The following COL9A2 variants were observed in gnomAD, a reference collection of about 807,000 sequenced individuals.
COL9A2 encodes the protein collagen type IX alpha 2 chain.
Under a neutral mutation model 111.6 loss-of-function variants are expected in COL9A2, and 66 were observed. The ratio of observed to expected loss-of-function variants is 0.59; its 90% CI spans 0.48 to 0.73. The LOEUF (loss-of-function observed/expected upper bound fraction) is 0.73, where lower values mean the gene tolerates loss of function less well. Ranked by LOEUF, COL9A2 falls within the 30% of genes least tolerant of loss-of-function variation. COL9A2 has a pLI of 0.00. For synonymous variants in COL9A2, 353 were observed against 364.1 expected (o/e 0.97, Z 0.35); for missense variants, 881 against 954.1 (o/e 0.92, Z 1.01).
intron 24 of COL9A2, 100 bp from the exon 25 acceptor site, chr1:40,304,199 G>A (rs1335816514): frequency 4.0e-6 from 6 of 1,515,846 alleles, no homozygotes; most frequent in Middle Eastern, 2.2e-4. Context: ...CCGCCTCGCC[G>A]ACCAGACCAG....
Position 40,302,658 on chromosome 1 carries a change from C to T in COL9A2, c.1755G>A (p.Val585=), listed in dbSNP as rs1440318383. 1 of 1,604,348 alleles carries T rather than the reference C, an allele frequency of 6.2e-7. No individual in the cohort carries two copies. Among genetic ancestry groups the T allele is most frequent in the South Asian group, 1.1e-5 (1 of 89,404 alleles). ...HPGPRGVPGI[V]GAVGQIGNTG... is the part of the protein sequence containing the mutation. ...TGTTGCCGATCTGACCCACGGCTCC[C>T]ACGATGCCAGGAACGCCCCGAGGGC... Residue 585 remains valine (V), a synonymous_variant, in exon 30 of 32, where the codon GTG becomes GTA. Coordinates refer to ENST00000372748, the MANE Select transcript of COL9A2 (RefSeq NM_001852.4). This position sits in a 1 kb window ranked among gnomAD's most constrained non-coding sequence, Gnocchi z 4.5.
In COL9A2 at chr1:40,315,675, C is replaced by A. The variant is rs1258843995; in HGVS notation, c.76-11G>T. 2 of 1,550,294 alleles carry A rather than the reference C, an allele frequency of 1.3e-6. No homozygotes were observed. The highest frequency in any genetic ancestry group is 4.8e-5 in the East Asian group (2 of 41,546). On this transcript the variant is annotated splice_polypyrimidine_tract_variant and intron_variant, in intron 1 of 31. Coordinates refer to ENST00000372748, the MANE Select transcript of COL9A2 (RefSeq NM_001852.4). ...TCCCGGTGGACCTCTCTGAAAAACA[C>A]ACACGGGGTGGGGCAGTCCTCAGAC...
In COL9A2 at chr1:40,310,636, G is replaced by T; in HGVS notation, c.684+78C>A. 1 of 1,259,088 alleles carries T rather than the reference G, an allele frequency of 7.9e-7. No individual in the cohort carries two copies. Among genetic ancestry groups the T allele is most frequent in the Non-Finnish European group, 1.1e-6 (1 of 879,986 alleles). 78.0% of individuals were successfully genotyped at this position (1,259,088 alleles called of 1,614,324 possible). A position where few individuals can be genotyped will look rare whatever the true frequency, so the allele number is the denominator to read the frequency against. The stretch of plus-strand genomic sequence containing the variant: ...CAGGTGTCTCTTTTACAAGCTAGAG[G>T]CCTGAGCAGGGGAATGACTCCATGA... On this transcript the variant is annotated intron_variant, in intron 13 of 31. Transcript: ENST00000372748. The surrounding 1 kb of genome is among the most constrained non-coding windows in gnomAD (Gnocchi z 4.9).
chr1:40,315,915 C>T (rs989727139), intron 1 of COL9A2: 1 of 447,040 alleles, frequency 2.2e-6, no homozygotes, highest in Admixed American at 3.9e-5. Context: ...TGGCTCAGAA[C>T]GTGAAGGGTC....
rs1643907946 is a variant in COL9A2, at chr1:40,301,130, G to A, written c.*52C>T. On this transcript the variant is annotated 3_prime_UTR_variant, in exon 32 of 32. Coordinates refer to ENST00000372748, the MANE Select transcript of COL9A2 (RefSeq NM_001852.4). ...GATGGGTGCATGTCCACCCAGAGGG[G>A]ACCTGGTCCTTCCCGCCAGGATGCC... 1.9e-6 allele frequency: 3 copies of A among 1,593,798 alleles called. No individual in the cohort carries two copies. Among genetic ancestry groups the A allele is most frequent in the Non-Finnish European group, 2.6e-6 (3 of 1,164,258 alleles).
chr1:40,302,819 G>T lies in COL9A2; in HGVS notation c.1604-10C>A, dbSNP rs1443709339. ...ACCTCTGCCAGTTGCTCTGGAGGGA[G>T]GGAGGGAGGGAGGGAGAGGGAAGTC... On this transcript the variant is annotated splice_polypyrimidine_tract_variant and intron_variant, in intron 29 of 31. Coordinates refer to ENST00000372748, the MANE Select transcript of COL9A2 (RefSeq NM_001852.4). This position sits in a 1 kb window ranked among gnomAD's most constrained non-coding sequence, Gnocchi z 4.5. 3 of 1,505,918 alleles carry T rather than the reference G, an allele frequency of 2.0e-6. No homozygotes were observed. The highest frequency in any genetic ancestry group is 1.8e-6 in the Non-Finnish European group (2 of 1,132,198). 93.3% of individuals were successfully genotyped at this position (1,505,918 alleles called of 1,614,324 possible).
At position 40,311,009 on chromosome 1, in the gene COL9A2, G is replaced by T; in HGVS notation, c.630+84C>A. 1.3e-6 allele frequency: 2 copies of T among 1,561,642 alleles called. No individual in the cohort carries two copies. The highest frequency in any genetic ancestry group is 1.8e-6 in the Non-Finnish European group (2 of 1,132,610). On this transcript the variant is annotated intron_variant, in intron 12 of 31. Transcript: ENST00000372748. This position sits in a 1 kb window ranked among gnomAD's most constrained non-coding sequence, Gnocchi z 5.1. ...TCTGTCCCCAGAACCCACAGGGGAAGGGGAAGGGACGAAGAAGGGGACAGA... is the reference window on the plus strand; with the variant it reads ...TCTGTCCCCAGAACCCACAGGGGAATGGGAAGGGACGAAGAAGGGGACAGA...
chr1:40,310,661 A>G lies in COL9A2; in HGVS notation c.684+53T>C, dbSNP rs576041274. The G allele has an allele frequency of 4.0e-5, 59 of 1,473,436 alleles. 1 individual carries two copies. The South Asian group carries it at 6.5e-4, about 16-fold the overall frequency. The allele number at this position is 1,473,436 out of a possible 1,614,324, so 91.3% of individuals were successfully genotyped here. A position where few individuals can be genotyped will look rare whatever the true frequency, so the allele number is the denominator to read the frequency against. Reference sequence around the variant, plus strand: ...GCCTGAGCAGGGGAATGACTCCATGAAGGGCTCCTGGGGTGAGGGAGAAGA... The same window carrying G: ...GCCTGAGCAGGGGAATGACTCCATGGAGGGCTCCTGGGGTGAGGGAGAAGA... On this transcript the variant is annotated intron_variant, in intron 13 of 31. Coordinates refer to ENST00000372748, the MANE Select transcript of COL9A2 (RefSeq NM_001852.4). This position sits in a 1 kb window ranked among gnomAD's most constrained non-coding sequence, Gnocchi z 4.9.
At position 40,317,133 on chromosome 1, in the gene COL9A2, A is replaced by G; in HGVS notation, c.65T>C (p.Leu22Pro). The G allele has an allele frequency of 6.3e-7, 1 of 1,581,236 alleles. No homozygotes were observed. The highest frequency in any genetic ancestry group is 8.6e-7 in the Non-Finnish European group (1 of 1,164,118). ...GGCTGCGAAACTTACAATCTGCGCC[A>G]GAGCGAGCACTACCACCTGGAGGAG... ...LVLLQVVVLALAQIRGPPGER... is the reference protein window; with the variant it reads ...LVLLQVVVLAPAQIRGPPGER... The change falls in exon 1 of 32, where the codon CTG (leucine) becomes CCG (proline). Residue 22 changes from leucine (L) to proline (P), a missense_variant. Physicochemically the swap from Leu to Pro is moderately conservative, Grantham distance 98. Coordinates refer to ENST00000372748, the MANE Select transcript of COL9A2 (RefSeq NM_001852.4). The surrounding 1 kb of genome is among the most constrained non-coding windows in gnomAD (Gnocchi z 4.3).
rs948927483 is a variant in COL9A2, at chr1:40,309,924, G to T, written c.846+14C>A. On this transcript the variant is annotated intron_variant, in intron 16 of 31. Coordinates refer to ENST00000372748, the MANE Select transcript of COL9A2 (RefSeq NM_001852.4). Reference sequence around the variant, plus strand: ...CAGGGGTCCTGACTGAACAATGGGTGCCTGAGGACTCACCTCGTCACCCTT... The same window carrying T: ...CAGGGGTCCTGACTGAACAATGGGTTCCTGAGGACTCACCTCGTCACCCTT... The T allele has an allele frequency of 6.2e-7, 1 of 1,613,116 alleles. No individual in the cohort carries two copies. The highest frequency in any genetic ancestry group is 2.2e-5 in the East Asian group (1 of 44,886).
intron 19 of COL9A2, among the ~76,000 whole-genome samples, chr1:40,306,579 A>C (rs898028531): frequency 5.3e-5 from 8 of 152,140 alleles, no homozygotes; most frequent in African/African-American, 1.9e-4. Context: ...ATGGCCCTGA[A>C]CGATAAGAAG....
Position 40,310,124 on chromosome 1 carries a change from G to A in COL9A2, c.779C>T (p.Ala260Val). ...AAAGAGGCTTACCGGTGGCCCAGTG[G>A]CACCGATAGCGCCCACCATGCCTTT... Reference protein sequence around the residue: ...GYKGMVGAIGATGPPGEEGPR... With the variant: ...GYKGMVGAIGVTGPPGEEGPR... Residue 260 changes from alanine (A) to valine (V), a missense_variant, in exon 15 of 32, where the codon GCC (alanine) becomes GTC (valine). By Grantham distance (64) the Ala-to-Val change is moderately conservative. Coordinates refer to ENST00000372748, the MANE Select transcript of COL9A2 (RefSeq NM_001852.4). The surrounding 1 kb of genome is among the most constrained non-coding windows in gnomAD (Gnocchi z 4.9). 1 of 1,613,990 alleles carries A rather than the reference G, an allele frequency of 6.2e-7. No homozygotes were observed. The highest frequency in any genetic ancestry group is 8.5e-7 in the Non-Finnish European group (1 of 1,179,900).
intron 16 of COL9A2, among the ~76,000 whole-genome samples, chr1:40,309,303 A>G (rs1644078532): frequency 1.3e-5 from 2 of 152,096 alleles, no homozygotes; most frequent in Non-Finnish European, 2.9e-5. Flanking sequence ...ATAAAAGTAT[A>G]AGAATTTTTT....
At position 40,303,233 on chromosome 1, in the gene COL9A2, A is replaced by G. The variant is rs1284410346; in HGVS notation, c.1549-48T>C. 1.3e-6 allele frequency: 2 copies of G among 1,566,024 alleles called. No homozygotes were observed. The highest frequency in any genetic ancestry group is 2.7e-5 in the African/African-American group (2 of 73,938). ...AAGAAGCCCCTGGCTACAAGGGCCC[A>G]CCGCTCCTATCCCACCTGGCTGAGC... is the stretch of plus-strand genomic sequence containing the variant. On this transcript the variant is annotated intron_variant, in intron 28 of 31. Transcript: ENST00000372748. This position sits in a 1 kb window ranked among gnomAD's most constrained non-coding sequence, Gnocchi z 4.6.
Position 40,302,630 on chromosome 1 carries a change from C to G in COL9A2, c.1783G>C (p.Gly595Arg). The G allele has an allele frequency of 6.2e-7, 1 of 1,600,856 alleles. No individual in the cohort carries two copies. Among genetic ancestry groups the G allele is most frequent in the Non-Finnish European group, 8.5e-7 (1 of 1,175,592 alleles). Reference protein sequence around the residue: ...VGAVGQIGNTGPKGKRGEKGD... With the variant: ...VGAVGQIGNTRPKGKRGEKGD... ...GCAGAGGAGCACTCACCCTTGGGCCCCGTGTTGCCGATCTGACCCACGGCT... is the reference window on the plus strand; with the variant it reads ...GCAGAGGAGCACTCACCCTTGGGCCGCGTGTTGCCGATCTGACCCACGGCT... The change falls in exon 30 of 32, where the codon GGG becomes CGG. Residue 595 changes from glycine (G) to arginine (R), a missense_variant. Physicochemically the swap from Gly to Arg is moderately radical, Grantham distance 125. Coordinates refer to ENST00000372748, the MANE Select transcript of COL9A2 (RefSeq NM_001852.4). This position sits in a 1 kb window ranked among gnomAD's most constrained non-coding sequence, Gnocchi z 4.5.
At position 40,307,113 on chromosome 1, in the gene COL9A2, G is replaced by A. The variant is rs183681694; in HGVS notation, c.1008+333C>T. Reference sequence around the variant, plus strand: ...ACTCAGCTGAGCCTCCTGAAGTGCTGGGATTATAGGCATGAGCCACTGCAC... The same window carrying A: ...ACTCAGCTGAGCCTCCTGAAGTGCTAGGATTATAGGCATGAGCCACTGCAC... On this transcript the variant is annotated intron_variant, in intron 19 of 31. Transcript: ENST00000372748. The surrounding 1 kb of genome is among the most constrained non-coding windows in gnomAD (Gnocchi z 4.8). 1.3e-3 allele frequency among the ~76,000 whole-genome samples: 200 copies of A among 152,302 alleles called. 1 individual carries two copies. The South Asian group carries it at 0.014, about 11-fold the overall frequency.
At position 40,308,193 on chromosome 1, in the gene COL9A2, G is replaced by A. The variant is rs756099117; in HGVS notation, c.899C>T (p.Thr300Met). The A allele has an allele frequency of 8.1e-6, 13 of 1,614,072 alleles. 1 individual carries two copies. In the East Asian group the frequency reaches 8.9e-5, roughly 11 times the overall value. Reference sequence around the variant, plus strand: ...TGGGCCTAGGCCTCTGGCACCTACCGTTGCTCCTTTCGGGCCTGTGATCCC... The same window carrying A: ...TGGGCCTAGGCCTCTGGCACCTACCATTGCTCCTTTCGGGCCTGTGATCCC... Reference protein sequence around the residue: ...PQGITGPKGATGPPGINGKDG... With the variant: ...PQGITGPKGAMGPPGINGKDG... Residue 300 changes from threonine to methionine, a missense_variant and splice_region_variant, in exon 17 of 32, where the codon ACG (threonine) becomes ATG (methionine). By Grantham distance (81) the Thr-to-Met change is moderately conservative (BLOSUM62 -1). Transcript: ENST00000372748.
In COL9A2 at chr1:40,312,171, A is replaced by G. The variant is rs1313756966; in HGVS notation, c.364-59T>C. The G allele has an allele frequency of 3.4e-5, 50 of 1,462,566 alleles. No homozygotes were observed. Among genetic ancestry groups the G allele is most frequent in the Non-Finnish European group, 4.6e-5 (49 of 1,060,512 alleles). 90.6% of individuals were successfully genotyped at this position (1,462,566 alleles called of 1,614,324 possible). On this transcript the variant is annotated intron_variant, in intron 7 of 31. Transcript: ENST00000372748. This position sits in a 1 kb window ranked among gnomAD's most constrained non-coding sequence, Gnocchi z 6.0. ...CAGAGGGTCAGATACCCTGGGCACA[A>G]AGGTAGAGACAGGCACCCAAAGCCC... is the stretch of plus-strand genomic sequence containing the variant.
At position 40,310,973 on chromosome 1, in the gene COL9A2, C is replaced by G; in HGVS notation, c.630+120G>C. 1 of 1,378,152 alleles carries G rather than the reference C, an allele frequency of 7.3e-7. No homozygotes were observed. Among genetic ancestry groups the G allele is most frequent in the South Asian group, 1.2e-5 (1 of 84,946 alleles). The allele number at this position is 1,378,152 out of a possible 1,614,324, so 85.4% of individuals were successfully genotyped here. A position where few individuals can be genotyped will look rare whatever the true frequency, so the allele number is the denominator to read the frequency against. On this transcript the variant is annotated intron_variant, in intron 12 of 31. Coordinates refer to ENST00000372748, the MANE Select transcript of COL9A2 (RefSeq NM_001852.4). The surrounding 1 kb of genome is among the most constrained non-coding windows in gnomAD (Gnocchi z 4.9). ...ACCTGGAGCACAGGCCTCCAGCCCC[C>G]GGCTCAAGGCTCTGTCCCCAGAACC...
Sources: gnomAD v4.1 joint callset for allele counts (sites outside exome capture counted in the v4.1 genomes callset) on GRCh38, gnomAD v4.1.1 for gene constraint, Gnocchi (gnomAD v3.1) non-coding constraint, MANE v1.5 for transcripts, NCBI Gene and HGNC (gene_info 2026-07-23, HGNC 2026-07-21) for gene names.